ZNF469: variants seen among roughly 807,000 people sequenced by gnomAD.
ZNF469 encodes the protein zinc finger protein 469.
Under a neutral mutation model 1.0 loss-of-function variants are expected in ZNF469, and 1 was observed. The ratio of observed to expected loss-of-function variants is 1.00; its 90% CI spans 0.35 to 4.73. The LOEUF is 4.73. ZNF469 is among the 30% of genes most tolerant of loss of function. The pLI, the probability that ZNF469 is intolerant of heterozygous loss-of-function variation, is 0.16. For missense variants in ZNF469, 6,100 were observed against 5,356.3 expected (o/e 1.14, Z -4.33); for synonymous variants, 2,703 against 2,363.4 (o/e 1.14, Z -4.17).
chr16:88,222,315 G>C, the ZNF469 span, among the ~76,000 whole-genome samples: 25 of 152,168 alleles, frequency 1.6e-4, no homozygotes, highest in Non-Finnish European at 4.4e-5. Context: ...TAGAGACAGA[G>C]TCTTGCTCAG....
At chr16:88,316,545 CT>C in the ZNF469 span, among the ~76,000 whole-genome samples, 93 of 100,990 alleles carry the variant, frequency 9.2e-4, no homozygotes, top group Admixed American at 1.3e-3. Context: ...TAGGTGCTGT[CT>C]TTTTTTTTTT....
chr16:88,281,401 GC>G, the ZNF469 span, among the ~76,000 whole-genome samples: 1 of 149,632 alleles, frequency 6.7e-6, no homozygotes, highest in African/African-American at 2.5e-5. Flanking sequence ...ATGGGTAAGT[GC>G]TGTGCCACAC....
the ZNF469 span, among the ~76,000 whole-genome samples, chr16:88,157,152 A>G: frequency 6.6e-6 from 1 of 151,670 alleles, no homozygotes; most frequent in Non-Finnish European, 1.5e-5. Context: ...CAGGGCACAC[A>G]GGCAGCCGGC....
At chr16:88,270,849 T>G in the ZNF469 span, among the ~76,000 whole-genome samples, 1 of 152,252 alleles carries the variant, frequency 6.6e-6, no homozygotes, top group Non-Finnish European at 1.5e-5. Context: ...ATCAGTGCCG[T>G]TGGCTTGAGC....
At chr16:88,159,190 G>C in the ZNF469 span, among the ~76,000 whole-genome samples, 2 of 75,130 alleles carry the variant, frequency 2.7e-5, no homozygotes, top group African/African-American at 7.3e-5. Flanking sequence ...CCTGGTCACG[G>C]ATGCTCACAG....
the ZNF469 span, among the ~76,000 whole-genome samples, chr16:88,258,511 A>AG: frequency 2.0e-5 from 3 of 151,342 alleles, no homozygotes; most frequent in African/African-American, 7.3e-5. Context: ...CCAGCACAAA[A>AG]GGTGCCCAAG....
the ZNF469 span, among the ~76,000 whole-genome samples, chr16:88,241,305 G>A: frequency 6.6e-6 from 1 of 151,442 alleles, no homozygotes; most frequent in Admixed American, 6.6e-5. This position sits in a 1 kb window ranked among gnomAD's most constrained non-coding sequence, Gnocchi z 4.8. Context: ...GTTGCAGTGA[G>A]CCAAGATCGC....
the ZNF469 span, among the ~76,000 whole-genome samples, chr16:88,362,689 C>T: frequency 0.018 from 2,770 of 152,298 alleles, 37 homozygotes; most frequent in Non-Finnish European, 0.031. Flanking sequence ...TATGATATGC[C>T]TGAATATAGC....
the ZNF469 span, among the ~76,000 whole-genome samples, chr16:88,328,388 C>T: frequency 6.6e-6 from 1 of 152,216 alleles, no homozygotes; most frequent in African/African-American, 2.4e-5. Flanking sequence ...GATAGCAGTG[C>T]CTTCTTCACA....
chr16:88,157,609 C>T, the ZNF469 span, among the ~76,000 whole-genome samples: 3 of 152,068 alleles, frequency 2.0e-5, no homozygotes, highest in African/African-American at 4.8e-5. Context: ...CCATGACAGA[C>T]CCTCTCAGGG....
chr16:88,157,665 G>T, the ZNF469 span, among the ~76,000 whole-genome samples: 4 of 152,146 alleles, frequency 2.6e-5, no homozygotes, highest in African/African-American at 7.2e-5. Context: ...AAGTTTATTT[G>T]GTTGGATGTG....
the ZNF469 span, among the ~76,000 whole-genome samples, chr16:88,259,481 G>A: frequency 6.6e-6 from 1 of 152,138 alleles, no homozygotes; most frequent in Non-Finnish European, 1.5e-5. This position sits in a 1 kb window ranked among gnomAD's most constrained non-coding sequence, Gnocchi z 4.1. Flanking sequence ...CTTCTCCTCC[G>A]CTGCAGAAGG....
At chr16:88,103,073 A>G in the ZNF469 span, among the ~76,000 whole-genome samples, 1 of 152,236 alleles carries the variant, frequency 6.6e-6, no homozygotes, top group Non-Finnish European at 1.5e-5. Context: ...TGGGGCCGTC[A>G]TCAGTCGCTA....
the ZNF469 span, among the ~76,000 whole-genome samples, chr16:88,208,885 A>G: frequency 6.6e-6 from 1 of 150,656 alleles, no homozygotes; most frequent in African/African-American, 2.4e-5. Context: ...CCAACCTGGA[A>G]TACCTGCGAG....
chr16:88,436,618 A>G lies in ZNF469; in HGVS notation c.9148A>G (p.Ser3050Gly). Reference sequence around the variant, plus strand: ...CCGTGCCACGGACTTTGAGGTGCTCAGCACCAAGTTTGAGATGCAAGACCT... The same window carrying G: ...CCGTGCCACGGACTTTGAGGTGCTCGGCACCAAGTTTGAGATGCAAGACCT... Reference protein sequence around the residue: ...PLRATDFEVLSTKFEMQDLCF... With the variant: ...PLRATDFEVLGTKFEMQDLCF... Residue 3050 changes from serine to glycine, a missense_variant, in exon 3 of 3, where the codon AGC becomes GGC. Coordinates refer to ENST00000565624, the MANE Select transcript of ZNF469 (RefSeq NM_001367624.2). 2 of 1,550,388 alleles carry G rather than the reference A, an allele frequency of 1.3e-6. No homozygotes were observed. Among genetic ancestry groups the G allele is most frequent in the Non-Finnish European group, 1.7e-6 (2 of 1,146,972 alleles).
chr16:88,248,336 C>T, the ZNF469 span, among the ~76,000 whole-genome samples: 1 of 152,188 alleles, frequency 6.6e-6, no homozygotes, highest in Admixed American at 6.5e-5. Context: ...GGATCCGTGT[C>T]TTTGATAAAA....
At chr16:88,194,100 T>C in the ZNF469 span, among the ~76,000 whole-genome samples, 1 of 152,182 alleles carries the variant, frequency 6.6e-6, no homozygotes, top group South Asian at 2.1e-4. Flanking sequence ...CGCCCCTGGT[T>C]ACTTGGTTTA....
the ZNF469 span, among the ~76,000 whole-genome samples, chr16:88,250,875 G>A: frequency 2.6e-5 from 4 of 151,968 alleles, no homozygotes; most frequent in Non-Finnish European, 2.9e-5. Context: ...GGGTTTTTCC[G>A]TTTTGGGGTT....
At chr16:88,232,124 A>C in the ZNF469 span, among the ~76,000 whole-genome samples, 1 of 152,184 alleles carries the variant, frequency 6.6e-6, no homozygotes, top group Non-Finnish European at 1.5e-5. Flanking sequence ...AAGGCTGGGC[A>C]CTGCCAACGT....
Sources: allele counts gnomAD v4.1 joint callset (sites outside exome capture counted in the v4.1 genomes callset), GRCh38; gene constraint gnomAD v4.1.1; non-coding constraint Gnocchi (gnomAD v3.1); transcripts MANE v1.5; gene names NCBI Gene and HGNC (gene_info 2026-07-23, HGNC 2026-07-21).